The following ROR1 variants were observed in gnomAD, a reference collection of about 807,000 sequenced individuals.
ROR1 encodes inactive tyrosine-protein kinase transmembrane receptor ROR1.
ROR1 carries 19 observed loss-of-function variants against 78.8 expected under a neutral mutation model. That is an observed-to-expected ratio of 0.24 (90% CI 0.17 to 0.35). ROR1 has a LOEUF of 0.35. ROR1 is among the 10% of genes least tolerant of loss of function. The pLI, the probability that ROR1 is intolerant of heterozygous loss-of-function variation, is 1.00. For synonymous variants in ROR1, 386 were observed against 433.6 expected (o/e 0.89, Z 1.36); for missense variants, 917 against 1,177.8 (o/e 0.78, Z 3.24).
chr1:64,107,852 A>C (rs1647888377), intron 4 of ROR1, among the ~76,000 whole-genome samples: 1 of 152,144 alleles, frequency 6.6e-6, no homozygotes, highest in Admixed American at 6.6e-5. Context: ...GTAGGGTAGA[A>C]TAAGAGCATA....
intron 1 of ROR1, among the ~76,000 whole-genome samples, chr1:63,848,942 G>A (rs1645097824): frequency 6.6e-6 from 1 of 152,186 alleles, no homozygotes; most frequent in Non-Finnish European, 1.5e-5. Flanking sequence ...GCTCAGAAGA[G>A]CTCTTTAATT....
chr1:63,844,038 G>A (rs140406417), intron 1 of ROR1, among the ~76,000 whole-genome samples: 1 of 152,112 alleles, frequency 6.6e-6, no homozygotes, highest in African/African-American at 2.4e-5. Context: ...TCTAGCCTTA[G>A]GGGGGCAGCA....
At position 63,835,820 on chromosome 1, in the gene ROR1, A is replaced by G. The variant is rs180771182; in HGVS notation, c.91+61312A>G. Among the ~76,000 whole-genome samples, 401 of 152,350 alleles carry G rather than the reference A, an allele frequency of 2.6e-3. 4 individuals are homozygous for G. The highest frequency in any genetic ancestry group is 9.3e-3 in the African/African-American group (388 of 41,590). On this transcript the variant is annotated intron_variant, in intron 1 of 8. Transcript: ENST00000371079. ...CAGTAATGTGGATTTCATTTTTGCA[A>G]GTATTCAGATCTTGATAGAGCTTCA...
At chr1:63,946,846 T>C (rs2100464360) in intron 1 of ROR1, among the ~76,000 whole-genome samples, 1 of 152,286 alleles carries the variant, frequency 6.6e-6, no homozygotes, top group South Asian at 2.1e-4. Flanking sequence ...GACGTGATCT[T>C]GTCAAGGGTT....
At chr1:63,943,612 G>C (rs1415757658) in intron 1 of ROR1, among the ~76,000 whole-genome samples, 1 of 152,190 alleles carries the variant, frequency 6.6e-6, no homozygotes, top group Non-Finnish European at 1.5e-5. Flanking sequence ...TGAGAGCTCT[G>C]TCTCTGCAGG....
chr1:64,109,979 C>A (rs72916910), intron 4 of ROR1, among the ~76,000 whole-genome samples: 2,011 of 152,238 alleles, frequency 0.013, 41 homozygotes, highest in African/African-American at 0.045. Context: ...GACATCACTT[C>A]CTCTAGGAAG....
At chr1:63,806,127 TC>T (rs1312981113) in intron 1 of ROR1, among the ~76,000 whole-genome samples, 6 of 152,142 alleles carry the variant, frequency 3.9e-5, no homozygotes, top group African/African-American at 9.7e-5. Flanking sequence ...AACAAAGAAA[TC>T]CGTTTTACTT....
intron 1 of ROR1, among the ~76,000 whole-genome samples, chr1:63,876,673 TGTGTGTGTGC>T (rs113004033): frequency 0.24 from 33,483 of 137,976 alleles, 5,218 homozygotes; most frequent in African/African-American, 0.5. Flanking sequence ...TGTGTGTGTG[TGTGTGTGTGC>T]GCGTGTGTGT....
intron 1 of ROR1, among the ~76,000 whole-genome samples, chr1:63,879,987 C>A (rs1237300494): frequency 6.6e-6 from 1 of 151,880 alleles, no homozygotes; most frequent in Admixed American, 6.6e-5. Context: ...TGGTATGGAC[C>A]CGTGTCATTT....
At chr1:63,993,888 T>C (rs889511462) in intron 1 of ROR1, among the ~76,000 whole-genome samples, 2 of 152,246 alleles carry the variant, frequency 1.3e-5, no homozygotes, top group Non-Finnish European at 2.9e-5. Context: ...ATTAAATTCC[T>C]AGAAGTGGAA....
At chr1:63,821,952 T>C (rs1644926289) in intron 1 of ROR1, among the ~76,000 whole-genome samples, 1 of 152,208 alleles carries the variant, frequency 6.6e-6, no homozygotes, top group Non-Finnish European at 1.5e-5. Context: ...CCAGGTTTGC[T>C]CTACTTTGCA....
At chr1:64,047,690 C>T (rs763737207) in intron 2 of ROR1, among the ~76,000 whole-genome samples, 3 of 152,220 alleles carry the variant, frequency 2.0e-5, no homozygotes, top group Non-Finnish European at 4.4e-5. Flanking sequence ...AGTCTCCCTC[C>T]TTTCTGGGCA....
intron 7 of ROR1, among the ~76,000 whole-genome samples, chr1:64,146,388 A>G (rs1483606558): frequency 6.6e-6 from 1 of 152,202 alleles, no homozygotes; most frequent in Non-Finnish European, 1.5e-5. Flanking sequence ...AGGCATGAGA[A>G]TCGCTTGAAC....
At chr1:64,084,822 C>T (rs187608025) in intron 4 of ROR1, among the ~76,000 whole-genome samples, 97 of 152,314 alleles carry the variant, frequency 6.4e-4, no homozygotes, top group Admixed American at 1.9e-3. Context: ...AAGGTCAACG[C>T]GACAGGCCAG....
intron 4 of ROR1, among the ~76,000 whole-genome samples, chr1:64,097,712 C>G (rs1647354460): frequency 6.6e-6 from 1 of 151,986 alleles, no homozygotes; most frequent in African/African-American, 2.4e-5. Context: ...ATTTCTGGAG[C>G]TGGTTATGGC....
intron 1 of ROR1, among the ~76,000 whole-genome samples, chr1:63,809,583 G>A (rs529699937): frequency 2.0e-4 from 30 of 152,262 alleles, no homozygotes; most frequent in African/African-American, 7.0e-4. Context: ...TCTGTCTAGG[G>A]GAGACGCTTA....
At chr1:63,990,429 G>A (rs1183985799) in intron 1 of ROR1, among the ~76,000 whole-genome samples, 2 of 152,076 alleles carry the variant, frequency 1.3e-5, no homozygotes, top group African/African-American at 4.8e-5. Context: ...CCCTTAGGAG[G>A]GTGAATAGAG....
intron 1 of ROR1, among the ~76,000 whole-genome samples, chr1:63,900,841 T>C (rs1645479548): frequency 6.6e-6 from 1 of 152,224 alleles, no homozygotes; most frequent in African/African-American, 2.4e-5. Context: ...ACATGCCTCA[T>C]GTTATGGTTG....
intron 4 of ROR1, among the ~76,000 whole-genome samples, chr1:64,060,717 A>G (rs912368814): frequency 1.3e-5 from 2 of 152,160 alleles, no homozygotes; most frequent in Non-Finnish European, 2.9e-5. Context: ...GCTAACCTCC[A>G]TCTCTTCATC....
Sources: allele counts gnomAD v4.1 joint callset (sites outside exome capture counted in the v4.1 genomes callset), GRCh38; gene constraint gnomAD v4.1.1; transcripts MANE v1.5; gene names NCBI Gene and HGNC (gene_info 2026-07-23, HGNC 2026-07-21).